The following NETO1 variants were observed in gnomAD, a reference collection of about 807,000 sequenced individuals.
NETO1 encodes the protein neuropilin and tolloid like 1, also known as neuropilin and tolloid-like protein 1.
Under a neutral mutation model 61.3 loss-of-function variants are expected in NETO1, and 26 were observed. The observed-to-expected ratio is 0.42, with a 90% CI of 0.31 to 0.59. NETO1 has a LOEUF of 0.59. Ranked by LOEUF, NETO1 falls within the 20% of genes least tolerant of loss-of-function variation. The pLI, the probability that NETO1 is intolerant of heterozygous loss-of-function variation, is 0.12. For missense variants in NETO1, 531 were observed against 662.8 expected (o/e 0.80, Z 2.18); for synonymous variants, 225 against 225.8 (o/e 1.00, Z 0.03).
intron 9 of NETO1, 44 bp from the exon 10 acceptor site, chr18:72,749,132 C>CAA (rs35742923): frequency 8.5e-5 from 89 of 1,043,512 alleles, no homozygotes; most frequent in Non-Finnish European, 1.0e-4. Context: ...ACTATTTGCA[C>CAA]AAAAAAATAT....
chr18:72,834,300 TA>T, intron 4 of NETO1: 1 of 853,306 alleles, frequency 1.2e-6, no homozygotes, highest in Non-Finnish European at 1.4e-6. Context: ...AAAAATTTCA[TA>T]AATGACAAAA....
At position 72,750,633 on chromosome 18, in the gene NETO1, G is replaced by A; in HGVS notation, c.983-13C>T. 1 of 1,575,376 alleles carries A rather than the reference G, an allele frequency of 6.3e-7. No individual in the cohort carries two copies. Among genetic ancestry groups the A allele is most frequent in the Non-Finnish European group, 8.6e-7 (1 of 1,161,388 alleles). On this transcript the variant is annotated splice_polypyrimidine_tract_variant and intron_variant, in intron 8 of 10. Transcript: ENST00000327305. ...GTTTTCCTCTTCTCTATAGGTTGGA[G>A]AGAGTGAAAACAACAAACGGACAAA...
chr18:72,829,033 T>C (rs1485947732), intron 4 of NETO1, among the ~76,000 whole-genome samples: 2 of 152,088 alleles, frequency 1.3e-5, no homozygotes, highest in Non-Finnish European at 2.9e-5. Flanking sequence ...AGACCATTCA[T>C]TTGAGTGACC....
intron 4 of NETO1, among the ~76,000 whole-genome samples, chr18:72,826,261 G>T (rs1172025845): frequency 1.3e-5 from 2 of 152,018 alleles, no homozygotes; most frequent in Non-Finnish European, 2.9e-5. Flanking sequence ...TATTATTAAT[G>T]ATTTTTATCC....
chr18:72,867,949 T>A lies in NETO1; in HGVS notation c.-658A>T, dbSNP rs957142421. The A allele has an allele frequency of 1.3e-5, 2 of 150,970 alleles. No homozygotes were observed. The highest frequency in any genetic ancestry group is 3.0e-5 in the Non-Finnish European group (2 of 67,642). 9.4% of individuals were successfully genotyped at this position (150,970 alleles called of 1,614,324 possible). ...GAAGGCAGGAAGAAGGGGTCCGTCA[T>A]CGGCTCGCCGGGCTGCGCGCCACCT... On this transcript the variant is annotated 5_prime_UTR_variant, in exon 1 of 11. It removes an upstream start codon present in the reference 5' UTR. Coordinates refer to ENST00000327305, the MANE Select transcript of NETO1 (RefSeq NM_138966.5).
rs187049304 is a variant in NETO1, at chr18:72,749,047, T to C, written c.1583A>G (p.Tyr528Cys). The C allele has an allele frequency of 3.2e-5, 51 of 1,611,558 alleles. No homozygotes were observed. The East Asian group carries it at 9.4e-4, about 30-fold the overall frequency. Residue 528 changes from tyrosine to cysteine, a missense_variant, in exon 10 of 11, where the codon TAC (tyrosine) becomes TGC (cysteine). Transcript: ENST00000327305. ...IGSLSKHESE[Y>C]NTTRV is the part of the protein sequence containing the mutation. The stretch of plus-strand genomic sequence containing the variant: ...TTCTTTCTAGACCCTAGTTGTGTTG[T>C]ATTCAGATTCATGTTTGCTTAGAGA...
At chr18:72,826,928 G>C (rs914843159) in intron 4 of NETO1, among the ~76,000 whole-genome samples, 2 of 152,078 alleles carry the variant, frequency 1.3e-5, no homozygotes, top group African/African-American at 2.4e-5. Context: ...TTCTAGGGGG[G>C]CTGGAACAGT....
intron 9 of NETO1, 132 bp downstream of exon 9, chr18:72,749,930 C>A: frequency 1.4e-6 from 1 of 690,606 alleles, no homozygotes; most frequent in South Asian, 2.3e-5. Context: ...AAGAGGGAAA[C>A]TATTGGAAAA....
Position 72,816,435 on chromosome 18 carries a change from TGAAAA to T in NETO1, c.470-22036_470-22032del, listed in dbSNP as rs377612674. Among the ~76,000 whole-genome samples, 64 of 152,162 alleles carry T rather than the reference TGAAAA, an allele frequency of 4.2e-4. No individual in the cohort carries two copies. The East Asian group carries it at 0.012, about 29-fold the overall frequency. On this transcript the variant is annotated intron_variant, in intron 4 of 10. Coordinates refer to ENST00000327305, the MANE Select transcript of NETO1 (RefSeq NM_138966.5). The stretch of plus-strand genomic sequence containing the variant: ...CTAAAGGGACAGAGACCATTCAAAA[TGAAAA>T]GAAGTCCCTAGCATTCCACCTCCTA...
intron 4 of NETO1, among the ~76,000 whole-genome samples, chr18:72,814,248 T>C (rs369906806): frequency 4.3e-4 from 65 of 152,096 alleles, no homozygotes; most frequent in African/African-American, 1.6e-3. Context: ...AAGGCAAAAA[T>C]AACAGATAAA....
At chr18:72,760,331 A>G (rs144600340) in intron 7 of NETO1, among the ~76,000 whole-genome samples, 137 of 152,334 alleles carry the variant, frequency 9.0e-4, no homozygotes, top group African/African-American at 3.1e-3. Context: ...ACACCAATAC[A>G]TATGCATTTG....
intron 4 of NETO1, among the ~76,000 whole-genome samples, chr18:72,832,984 C>T (rs1404991160): frequency 1.3e-5 from 2 of 152,148 alleles, no homozygotes; most frequent in Non-Finnish European, 2.9e-5. Context: ...GTAAATGTCT[C>T]TAATGCTCTT....
At chr18:72,845,254 A>G (rs184799504) in intron 4 of NETO1, among the ~76,000 whole-genome samples, 30 of 152,326 alleles carry the variant, frequency 2.0e-4, no homozygotes, top group Admixed American at 8.5e-4. Flanking sequence ...CCGTAATGCT[A>G]TCTGTCAAGT....
At chr18:72,865,821 G>A (rs2074717647) in intron 1 of NETO1, 5 of 846,472 alleles carry the variant, frequency 5.9e-6, no homozygotes, top group Non-Finnish European at 8.4e-6. Context: ...CTACAAAAAT[G>A]TTCTGAACCT....
At position 72,794,184 on chromosome 18, in the gene NETO1, T is replaced by C; in HGVS notation, c.572A>G (p.Glu191Gly). 6.2e-7 allele frequency: 1 copy of C among 1,614,190 alleles called. No individual in the cohort carries two copies. Among genetic ancestry groups the C allele is most frequent in the Non-Finnish European group, 8.5e-7 (1 of 1,180,028 alleles). ...GIVESIQIMK[E>G]GKATASEAVD... ...AGCCTCGCTAGCAGTAGCTTTGCCT[T>C]CCTTCATAATTTGTATAGACTCCAC... is the stretch of plus-strand genomic sequence containing the variant. The change falls in exon 6 of 11, where the codon GAA (glutamate) becomes GGA (glycine). Residue 191 changes from glutamate to glycine, a missense_variant. Coordinates refer to ENST00000327305, the MANE Select transcript of NETO1 (RefSeq NM_138966.5).
At chr18:72,817,868 C>G (rs182529017) in intron 4 of NETO1, among the ~76,000 whole-genome samples, 2 of 152,328 alleles carry the variant, frequency 1.3e-5, no homozygotes, top group Admixed American at 1.3e-4. Context: ...TCAGTTCATA[C>G]ACGGTAAACT....
chr18:72,749,594 C>T (rs1165530522), intron 9 of NETO1, among the ~76,000 whole-genome samples: 4 of 151,892 alleles, frequency 2.6e-5, no homozygotes, highest in African/African-American at 7.3e-5. Flanking sequence ...AAAATAAATA[C>T]ATTATATTGA....
At chr18:72,754,558 G>A (rs1243483646) in intron 8 of NETO1, among the ~76,000 whole-genome samples, 1 of 151,964 alleles carries the variant, frequency 6.6e-6, no homozygotes, top group Non-Finnish European at 1.5e-5. Flanking sequence ...TATAACTCAA[G>A]ACAAAAAACT....
intron 7 of NETO1, among the ~76,000 whole-genome samples, chr18:72,777,732 G>A (rs571114655): frequency 1.3e-5 from 2 of 152,290 alleles, no homozygotes; most frequent in South Asian, 2.1e-4. Flanking sequence ...GACAGAACGA[G>A]ACTCCATCTC....
Sources: gnomAD v4.1 joint callset for allele counts (sites outside exome capture counted in the v4.1 genomes callset) on GRCh38, gnomAD v4.1.1 for gene constraint, MANE v1.5 for transcripts, NCBI Gene and HGNC (gene_info 2026-07-23, HGNC 2026-07-21) for gene names.